MTSS1: variants seen among roughly 807,000 people sequenced by gnomAD.
The protein encoded by MTSS1 is protein MTSS 1.
Under a neutral mutation model 79.0 loss-of-function variants are expected in MTSS1, and 18 were observed. The ratio of observed to expected loss-of-function variants is 0.23; its 90% CI spans 0.16 to 0.34. The LOEUF (loss-of-function observed/expected upper bound fraction) is 0.34. Among genes scored for constraint, MTSS1 ranks in the 10% least tolerant of loss-of-function variants. MTSS1 has a pLI of 1.00. For synonymous variants in MTSS1, 341 were observed against 368.6 expected, an observed-to-expected ratio of 0.93 and a Z score of 0.86; for missense variants, 815 against 986.2, an observed-to-expected ratio of 0.83 and a Z score of 2.33.
At chr8:124,644,946 T>C (rs1455325606) in intron 3 of MTSS1, among the ~76,000 whole-genome samples, 2 of 152,232 alleles carry the variant, frequency 1.3e-5, no homozygotes, top group Admixed American at 1.3e-4. Context: ...ACAGATTCAT[T>C]GAGCCATAAA....
At chr8:124,572,406 A>C (rs1251152754) in intron 6 of MTSS1, among the ~76,000 whole-genome samples, 1 of 152,224 alleles carries the variant, frequency 6.6e-6, no homozygotes, top group African/African-American at 2.4e-5. Context: ...TTCATGTCCC[A>C]GTTGGATATA....
intron 3 of MTSS1, among the ~76,000 whole-genome samples, chr8:124,661,929 T>C (rs1822122307): frequency 6.6e-6 from 1 of 152,178 alleles, no homozygotes; most frequent in Non-Finnish European, 1.5e-5. Context: ...ACGTCCTTTG[T>C]GTCTAGCAGA....
At chr8:124,698,035 G>A (rs1450288450) in intron 3 of MTSS1, 2 of 152,116 alleles carry the variant, frequency 1.3e-5, no homozygotes, top group Non-Finnish European at 2.9e-5. Flanking sequence ...CAAACATATA[G>A]TTTCTATGTT....
At chr8:124,668,713 T>C (rs562137687) in intron 3 of MTSS1, among the ~76,000 whole-genome samples, 115 of 152,200 alleles carry the variant, frequency 7.6e-4, no homozygotes, top group Non-Finnish European at 1.5e-3. Context: ...TCAGTGTGTT[T>C]GGTCACCCAT....
intron 3 of MTSS1, among the ~76,000 whole-genome samples, chr8:124,638,128 G>A (rs973169141): frequency 3.9e-5 from 6 of 152,206 alleles, no homozygotes; most frequent in Non-Finnish European, 8.8e-5. Flanking sequence ...TAGAGCAGAA[G>A]ACAATGACTT....
intron 11 of MTSS1, among the ~76,000 whole-genome samples, chr8:124,556,780 G>A (rs965571521): frequency 1.3e-5 from 2 of 152,366 alleles, no homozygotes; most frequent in Admixed American, 6.5e-5. Flanking sequence ...AACCCAGATG[G>A]CTTCCCGTTA....
chr8:124,553,466 A>C lies in MTSS1; in HGVS notation c.1794T>G (p.Ser598=). Reference sequence around the variant, plus strand: ...CAGCTCCAATGGTTCCCCGGCGGACAGAAGGCTTGGTGGAAGGGGTCCGTC... The same window carrying C: ...CAGCTCCAATGGTTCCCCGGCGGACCGAAGGCTTGGTGGAAGGGGTCCGTC... The part of the protein sequence containing the change: ...TIRRTPSTKP[S]VRRGTIGAGP... The change falls in exon 14 of 14, where the codon TCT becomes TCG. Residue 598 remains serine, a synonymous_variant. Coordinates refer to ENST00000518547, the MANE Select transcript of MTSS1 (RefSeq NM_014751.6). The surrounding 1 kb of genome is among the most constrained non-coding windows in gnomAD (Gnocchi z 6.0). 6.2e-7 allele frequency: 1 copy of C among 1,610,170 alleles called. No individual in the cohort carries two copies. The highest frequency in any genetic ancestry group is 8.5e-7 in the Non-Finnish European group (1 of 1,177,064).
chr8:124,712,707 T>C (rs1426111707), intron 1 of MTSS1, among the ~76,000 whole-genome samples: 2 of 152,184 alleles, frequency 1.3e-5, no homozygotes, highest in Non-Finnish European at 2.9e-5. Context: ...GATGACAGCC[T>C]TGGGGATAAT....
rs1233089205 is a variant in MTSS1, at chr8:124,659,945, CTT to C, written c.208+39579_208+39580del. Among the ~76,000 whole-genome samples, 6 of 152,358 alleles carry C rather than the reference CTT, an allele frequency of 3.9e-5. No homozygotes were observed. The East Asian group carries it at 1.2e-3, about 29-fold the overall frequency. On this transcript the variant is annotated intron_variant, in intron 3 of 13. Transcript: ENST00000518547. The stretch of plus-strand genomic sequence containing the variant: ...GAATCATCTCTTCCTGACTCTCTCT[CTT>C]ACTCCTAAAACCAGACCTTGTGATT...
At chr8:124,608,266 A>C (rs1275329017) in intron 3 of MTSS1, among the ~76,000 whole-genome samples, 2 of 152,188 alleles carry the variant, frequency 1.3e-5, no homozygotes, top group African/African-American at 4.8e-5. Flanking sequence ...TTCTAACAAA[A>C]TGCAGATAAG....
At chr8:124,665,844 G>A (rs192726359) in intron 3 of MTSS1, among the ~76,000 whole-genome samples, 143 of 145,420 alleles carry the variant, frequency 9.8e-4, no homozygotes, top group Admixed American at 3.1e-3. Context: ...TCCAGCCTGG[G>A]CAATACGAGT....
chr8:124,556,907 G>A (rs920784990), intron 11 of MTSS1, among the ~76,000 whole-genome samples: 20 of 152,236 alleles, frequency 1.3e-4, no homozygotes, highest in African/African-American at 3.4e-4. Flanking sequence ...CAGAAGGAAA[G>A]GAAGGCGCCC....
chr8:124,554,880 G>T (rs1319221174), intron 13 of MTSS1, among the ~76,000 whole-genome samples: 1 of 152,204 alleles, frequency 6.6e-6, no homozygotes, highest in Non-Finnish European at 1.5e-5. Context: ...GTCTCATTTT[G>T]TTGCCCAGGC....
chr8:124,611,115 C>G (rs949352809), intron 3 of MTSS1, among the ~76,000 whole-genome samples: 39 of 149,378 alleles, frequency 2.6e-4, no homozygotes, highest in Middle Eastern at 3.6e-3. Flanking sequence ...GACCCCCCCC[C>G]CCCAGCATGT....
chr8:124,717,401 C>T (rs1832215352), intron 1 of MTSS1, among the ~76,000 whole-genome samples: 1 of 151,956 alleles, frequency 6.6e-6, no homozygotes, highest in African/African-American at 2.4e-5. Flanking sequence ...GAGGCTGAGG[C>T]AGGAGAATCT....
chr8:124,666,056 T>C (rs997840588), intron 3 of MTSS1, among the ~76,000 whole-genome samples: 1 of 152,174 alleles, frequency 6.6e-6, no homozygotes, highest in South Asian at 2.1e-4. Context: ...ACACACATAT[T>C]AATACAATGT....
chr8:124,666,903 G>A (rs1056909643), intron 3 of MTSS1, among the ~76,000 whole-genome samples: 3 of 152,170 alleles, frequency 2.0e-5, no homozygotes, highest in Non-Finnish European at 2.9e-5. Context: ...GGGAGAGGAG[G>A]AGGTCAATGG....
At chr8:124,690,797 A>G (rs1418102030) in intron 3 of MTSS1, among the ~76,000 whole-genome samples, 2 of 152,246 alleles carry the variant, frequency 1.3e-5, no homozygotes, top group Non-Finnish European at 2.9e-5. Context: ...CGTCAAAATA[A>G]TCAAACACAT....
intron 3 of MTSS1, among the ~76,000 whole-genome samples, chr8:124,650,690 G>A (rs1718966126): frequency 6.6e-6 from 1 of 152,208 alleles, no homozygotes; most frequent in Admixed American, 6.5e-5. Context: ...CAGGTGCGCA[G>A]GGCAGGGTTT....
Sources: allele counts gnomAD v4.1 joint callset (sites outside exome capture counted in the v4.1 genomes callset), GRCh38; gene constraint gnomAD v4.1.1; non-coding constraint Gnocchi (gnomAD v3.1); transcripts MANE v1.5; gene names NCBI Gene and HGNC (gene_info 2026-07-23, HGNC 2026-07-21).